The following HEATR4 variants were observed in gnomAD, a reference collection of about 807,000 sequenced individuals.
The protein encoded by HEATR4 is HEAT repeat containing 4, also known as HEAT repeat-containing protein 4.
Under a neutral mutation model 108.8 loss-of-function variants are expected in HEATR4, and 95 were observed. That is an observed-to-expected ratio of 0.87 (90% CI 0.74 to 1.04). The LOEUF (loss-of-function observed/expected upper bound fraction) is 1.04, where lower values mean the gene tolerates loss of function less well. Ranked by LOEUF, HEATR4 falls within the 50% of genes least tolerant of loss-of-function variation. The probability of loss-of-function intolerance (pLI) is 0.00; values close to 1 mark genes in which losing one functional copy is unlikely to be tolerated. For synonymous variants in HEATR4, 443 were observed against 459.4 expected (o/e 0.96, Z 0.46); for missense variants, 1,152 against 1,253.8 (o/e 0.92, Z 1.23).
At chr14:73,618,743 T>A in the HEATR4 span, among the ~76,000 whole-genome samples, 7 of 152,238 alleles carry the variant, frequency 4.6e-5, no homozygotes, top group African/African-American at 1.7e-4. Flanking sequence ...TATTAGGGGA[T>A]GACCCATTAC....
chr14:73,549,278 G>C (rs2158981), intron 1 of HEATR4, among the ~76,000 whole-genome samples: 1 of 114,086 alleles, frequency 8.8e-6, no homozygotes, highest in Non-Finnish European at 1.9e-5. Flanking sequence ...GTGTCTGTGT[G>C]TGTGTGTATC....
At chr14:73,490,417 C>G (rs1885633669) in intron 17 of HEATR4, among the ~76,000 whole-genome samples, 1 of 152,242 alleles carries the variant, frequency 6.6e-6, no homozygotes, top group South Asian at 2.1e-4. Flanking sequence ...CGGGTTCACG[C>G]CATCCTCCTG....
chr14:73,554,904 AT>A lies in HEATR4; in HGVS notation c.-152+3846del, dbSNP rs1889372930. On this transcript the variant is annotated intron_variant, in intron 1 of 17. Transcript: ENST00000553558. The stretch of plus-strand genomic sequence containing the variant: ...ATACTAGATCTCAGAAATTTGAAAA[AT>A]AGCAAAGAAGACTGGATTTGGAAAG... 1.8e-5 allele frequency among the ~76,000 whole-genome samples: 2 copies of A among 114,148 alleles called. 1 individual carries two copies. The highest frequency in any genetic ancestry group is 3.8e-5 in the Non-Finnish European group (2 of 52,208). The allele number at this position is 114,148 out of a possible 152,430, so 74.9% of individuals were successfully genotyped here.
intron 5 of HEATR4, 77 bp downstream of exon 5, chr14:73,518,946 A>T: frequency 6.9e-7 from 1 of 1,456,814 alleles, no homozygotes; most frequent in Admixed American, 1.9e-5. Flanking sequence ...GCTCTAGCAC[A>T]TGAATAGTGG....
At chr14:73,576,357 T>C in the HEATR4 span, among the ~76,000 whole-genome samples, 1 of 152,036 alleles carries the variant, frequency 6.6e-6, no homozygotes, top group East Asian at 1.9e-4. Context: ...CTTTGATATC[T>C]TCTCCTTGGA....
chr14:73,485,403 AT>A lies in HEATR4; in HGVS notation c.2845-6562del, dbSNP rs35289379. Among the ~76,000 whole-genome samples, 720 of 140,372 alleles carry A rather than the reference AT, an allele frequency of 5.1e-3. 8 individuals are homozygous for A. The highest frequency in any genetic ancestry group is 0.013 in the African/African-American group (510 of 37,936). 92.1% of individuals were successfully genotyped at this position (140,372 alleles called of 152,430 possible). ...TAAATATCTTTGTACACATGGGTGA[AT>A]TTTTTTTTTTTTTTTCGAGACAGGG... On this transcript the variant is annotated intron_variant, in intron 17 of 17. Transcript: ENST00000553558.
intron 9 of HEATR4, among the ~76,000 whole-genome samples, chr14:73,506,802 C>CTTTTTT (rs1470976246): frequency 1.7e-5 from 1 of 58,048 alleles, no homozygotes; most frequent in African/African-American, 1.0e-4. Flanking sequence ...CTGACTTTAA[C>CTTTTTT]TGTTTTTTTT....
the HEATR4 span, among the ~76,000 whole-genome samples, chr14:73,593,016 A>G: frequency 6.6e-5 from 10 of 152,230 alleles, no homozygotes; most frequent in Non-Finnish European, 1.3e-4. Flanking sequence ...CCACTTTGCT[A>G]TTAATCACTA....
chr14:73,563,065 G>A (rs116375065), upstream of HEATR4, among the ~76,000 whole-genome samples: 795 of 151,854 alleles, frequency 5.2e-3, 10 homozygotes, highest in African/African-American at 0.018. Context: ...TCTTACCCCC[G>A]CTCCCCTTTT....
At chr14:73,593,764 C>G in the HEATR4 span, 14 of 1,613,896 alleles carry the variant, frequency 8.7e-6, no homozygotes, top group Non-Finnish European at 1.2e-5. Flanking sequence ...CTTGGAATAT[C>G]GAGCCAGCCT....
rs1889355048 is a variant in HEATR4 at position 73,553,533 on chromosome 14, G to A, written c.-152+5218C>T. On this transcript the variant is annotated intron_variant, in intron 1 of 17. Transcript: ENST00000553558. ...CTCCAAAAAAAATTAAAATAAAAAA[G>A]TATTATCACATTGGGTATTAGGTTT... Among the ~76,000 whole-genome samples, 3 of 114,186 alleles carry A rather than the reference G, an allele frequency of 2.6e-5. 1 individual carries two copies. The highest frequency in any genetic ancestry group is 3.9e-5 in the Non-Finnish European group (2 of 51,884). The allele number at this position is 114,186 out of a possible 152,430, so 74.9% of individuals were successfully genotyped here.
chr14:73,569,329 C>G, the HEATR4 span: 1 of 1,613,952 alleles, frequency 6.2e-7, no homozygotes, highest in African/African-American at 1.3e-5. Context: ...GTCCTTCGAG[C>G]GTCCCGGCTG....
the HEATR4 span, among the ~76,000 whole-genome samples, chr14:73,602,883 G>A: frequency 6.6e-6 from 1 of 152,112 alleles, no homozygotes; most frequent in Non-Finnish European, 1.5e-5. Context: ...CAAATTTAGA[G>A]ATGAGAAAAG....
chr14:73,624,113 CCT>C, the HEATR4 span, among the ~76,000 whole-genome samples: 3 of 151,852 alleles, frequency 2.0e-5, no homozygotes, highest in Admixed American at 6.6e-5. Flanking sequence ...ATAGTGAAAC[CCT>C]GTTTCTACAA....
chr14:73,490,979 CCCGG>C lies in HEATR4; in HGVS notation c.2844+2083_2844+2086del, dbSNP rs760399816. 9.9e-5 allele frequency: 131 copies of C among 1,321,278 alleles called. 1 individual carries two copies. Among genetic ancestry groups the C allele is most frequent in the Non-Finnish European group, 1.2e-4 (126 of 1,029,114 alleles). The allele number at this position is 1,321,278 out of a possible 1,614,324, so 81.8% of individuals were successfully genotyped here. ...ATTCAGGAACCGCTTTAGCTTCGCC[CCCGG>C]CCGGCCGGGCGGGGAAGACTGGTGT... On this transcript the variant is annotated intron_variant, in intron 17 of 17. Transcript: ENST00000553558.
At chr14:73,512,241 C>A in intron 6 of HEATR4, 92 bp from the exon 7 acceptor site, 1 of 1,409,028 alleles carries the variant, frequency 7.1e-7, no homozygotes, top group Non-Finnish European at 9.7e-7. Context: ...GCCCTTCACC[C>A]AGAATAATTC....
the HEATR4 span, chr14:73,592,157 C>G: frequency 6.3e-7 from 1 of 1,598,428 alleles, no homozygotes; most frequent in Non-Finnish European, 8.5e-7. Context: ...AGCGCGCACC[C>G]GCGCTGGGCG....
chr14:73,497,532 A>G (rs1298450124), intron 14 of HEATR4, among the ~76,000 whole-genome samples: 1 of 152,224 alleles, frequency 6.6e-6, no homozygotes, highest in Admixed American at 6.5e-5. Context: ...TGCATGCCAG[A>G]GCTGGAATTC....
chr14:73,579,369 G>A, the HEATR4 span, among the ~76,000 whole-genome samples: 1 of 148,576 alleles, frequency 6.7e-6, no homozygotes, highest in Admixed American at 6.8e-5. Context: ...GAGGTCGGGA[G>A]TCTGAGACCA....
Sources: allele counts gnomAD v4.1 joint callset (sites outside exome capture counted in the v4.1 genomes callset), GRCh38; gene constraint gnomAD v4.1.1; transcripts MANE v1.5; gene names NCBI Gene and HGNC (gene_info 2026-07-23, HGNC 2026-07-21).